The following LHFPL3 variants were observed in gnomAD, a reference collection of about 807,000 sequenced individuals.
LHFPL3 encodes LHFPL tetraspan subfamily member 3.
In LHFPL3, 5 loss-of-function variants were observed where a neutral mutation model predicts 19.3. The observed-to-expected ratio is 0.26, with a 90% CI of 0.14 to 0.54. LHFPL3 has a LOEUF of 0.54. Ranked by LOEUF, LHFPL3 falls within the 20% of genes least tolerant of loss-of-function variation. LHFPL3 has a pLI of 0.94. For synonymous variants in LHFPL3, 133 were observed against 126.2 expected (o/e 1.05, Z -0.36); for missense variants, 249 against 307.4 (o/e 0.81, Z 1.42).
intron 1 of LHFPL3, among the ~76,000 whole-genome samples, chr7:104,438,960 A>C (rs1792165264): frequency 6.6e-6 from 1 of 152,246 alleles, no homozygotes; most frequent in South Asian, 2.1e-4. Context: ...AGTATGAACA[A>C]GTCTATGTCA....
intron 2 of LHFPL3, among the ~76,000 whole-genome samples, chr7:104,813,056 G>A (rs554799153): frequency 1.4e-4 from 22 of 151,950 alleles, no homozygotes; most frequent in African/African-American, 5.3e-4. Flanking sequence ...GGAGGTTGCA[G>A]TGAGCCGAGA....
chr7:104,384,729 G>A (rs568485703), intron 1 of LHFPL3, among the ~76,000 whole-genome samples: 13 of 149,198 alleles, frequency 8.7e-5, no homozygotes, highest in Non-Finnish European at 1.3e-4. Flanking sequence ...GGAGGTTGCC[G>A]TGAGCCAAGA....
intron 2 of LHFPL3, among the ~76,000 whole-genome samples, chr7:104,905,956 G>T (rs1792591123): frequency 6.6e-6 from 1 of 152,196 alleles, no homozygotes; most frequent in Admixed American, 6.5e-5. Flanking sequence ...TGACCCAGAT[G>T]GAGGGAATAC....
At chr7:104,375,607 TA>T (rs1790699599) in intron 1 of LHFPL3, among the ~76,000 whole-genome samples, 1 of 152,210 alleles carries the variant, frequency 6.6e-6, no homozygotes, top group Admixed American at 6.5e-5. Flanking sequence ...TACACATGAT[TA>T]AATTTCTTAT....
chr7:104,605,153 CGG>C (rs1791068756), intron 1 of LHFPL3, among the ~76,000 whole-genome samples: 1 of 152,072 alleles, frequency 6.6e-6, no homozygotes, highest in South Asian at 2.1e-4. Flanking sequence ...TTTTAATCCA[CGG>C]GAAATATTTT....
intron 2 of LHFPL3, among the ~76,000 whole-genome samples, chr7:104,776,050 G>C (rs7809065): frequency 0.22 from 33,916 of 152,042 alleles, 3,988 homozygotes; most frequent in Non-Finnish European, 0.27. Context: ...CATGTAAACT[G>C]GTTGGTACCA....
intron 1 of LHFPL3, among the ~76,000 whole-genome samples, chr7:104,522,916 G>A (rs1794100104): frequency 6.6e-6 from 1 of 152,116 alleles, no homozygotes; most frequent in African/African-American, 2.4e-5. Flanking sequence ...CTTAGCGGCA[G>A]TGAGTTTGTG....
rs978844639 is a variant in LHFPL3, at chr7:104,901,009, T to C, written c.683-5178T>C. Reference sequence around the variant, plus strand: ...GGTGCATGGGAAATGTTAGCCAAGTTTTTAAAAGAGCAGAATGTTTCACAA... The same window carrying C: ...GGTGCATGGGAAATGTTAGCCAAGTCTTTAAAAGAGCAGAATGTTTCACAA... On this transcript the variant is annotated intron_variant, in intron 2 of 2. Transcript: ENST00000424859. Among the ~76,000 whole-genome samples the C allele has an allele frequency of 3.9e-5, 6 of 152,328 alleles. 1 individual carries two copies. The highest frequency in any genetic ancestry group is 1.4e-4 in the African/African-American group (6 of 41,580).
chr7:104,613,199 T>C (rs1791242844), intron 1 of LHFPL3, among the ~76,000 whole-genome samples: 1 of 152,176 alleles, frequency 6.6e-6, no homozygotes, highest in South Asian at 2.1e-4. Context: ...TTTGGTAGCA[T>C]GTTGCAAAAT....
chr7:104,874,179 C>G (rs1055331941), intron 2 of LHFPL3, among the ~76,000 whole-genome samples: 4 of 152,224 alleles, frequency 2.6e-5, no homozygotes, highest in African/African-American at 9.7e-5. Context: ...ATTAACCTCA[C>G]TCTGGATATT....
At chr7:104,765,662 G>A (rs1344062920) in intron 2 of LHFPL3, among the ~76,000 whole-genome samples, 1 of 152,170 alleles carries the variant, frequency 6.6e-6, no homozygotes, top group East Asian at 1.9e-4. Flanking sequence ...TACTGAAAGG[G>A]CAAAGGACCA....
intron 1 of LHFPL3, among the ~76,000 whole-genome samples, chr7:104,441,341 G>A (rs1436836774): frequency 1.3e-5 from 2 of 152,056 alleles, no homozygotes; most frequent in Non-Finnish European, 2.9e-5. Flanking sequence ...GACAATTTCT[G>A]TTACTGGCTT....
intron 2 of LHFPL3, among the ~76,000 whole-genome samples, chr7:104,782,206 A>G (rs550016075): frequency 6.6e-6 from 1 of 152,176 alleles, no homozygotes; most frequent in African/African-American, 2.4e-5. Context: ...GTTCCTTTCC[A>G]TGCAGCCTCA....
intron 1 of LHFPL3, among the ~76,000 whole-genome samples, chr7:104,541,523 A>G (rs1178290516): frequency 6.6e-6 from 1 of 152,194 alleles, no homozygotes; most frequent in Non-Finnish European, 1.5e-5. Context: ...GAGGCTCTCA[A>G]GTAAGGTTTT....
intron 1 of LHFPL3, among the ~76,000 whole-genome samples, chr7:104,613,299 T>C (rs1791244647): frequency 2.6e-5 from 4 of 152,158 alleles, no homozygotes; most frequent in African/African-American, 7.2e-5. Context: ...GGAAACTCCA[T>C]AGATCAGTTT....
chr7:104,347,853 T>C (rs777789605), intron 1 of LHFPL3, among the ~76,000 whole-genome samples: 1 of 150,970 alleles, frequency 6.6e-6, no homozygotes, highest in Non-Finnish European at 1.5e-5. Flanking sequence ...GATCGCCCAT[T>C]ACACTCTAGC....
At chr7:104,706,159 G>A (rs1427283893) in intron 1 of LHFPL3, among the ~76,000 whole-genome samples, 3 of 152,038 alleles carry the variant, frequency 2.0e-5, no homozygotes, top group Non-Finnish European at 2.9e-5. Context: ...TATTTTATGA[G>A]CCCACAGTCT....
chr7:104,513,215 C>A (rs970214095), intron 1 of LHFPL3, among the ~76,000 whole-genome samples: 1 of 152,144 alleles, frequency 6.6e-6, no homozygotes, highest in Non-Finnish European at 1.5e-5. Flanking sequence ...ACCCAGATTA[C>A]TGGAAAGTAG....
intron 2 of LHFPL3, among the ~76,000 whole-genome samples, chr7:104,758,338 AC>A (rs1794320522): frequency 6.6e-6 from 1 of 152,264 alleles, no homozygotes; most frequent in East Asian, 1.9e-4. Context: ...CTGCACATGT[AC>A]CCCCGAATCT....
Sources: allele counts gnomAD v4.1 joint callset (sites outside exome capture counted in the v4.1 genomes callset), GRCh38; gene constraint gnomAD v4.1.1; transcripts MANE v1.5; gene names NCBI Gene and HGNC (gene_info 2026-07-23, HGNC 2026-07-21).